DACT2: variants seen among roughly 807,000 people sequenced by gnomAD.
The protein encoded by DACT2 is dishevelled binding antagonist of beta catenin 2.
DACT2 carries 20 observed loss-of-function variants against 22.2 expected under a neutral mutation model. The observed-to-expected ratio is 0.90, with a 90% CI of 0.63 to 1.31. The LOEUF (loss-of-function observed/expected upper bound fraction) is 1.31, where lower values mean the gene tolerates loss of function less well. Ranked by LOEUF, DACT2 falls within the 50% of genes most tolerant of loss-of-function variation. The pLI is 0.00. For missense variants in DACT2, 1,048 were observed against 1,061.4 expected (o/e 0.99, Z 0.18); for synonymous variants, 463 against 479.8 (o/e 0.96, Z 0.46).
intron 1 of DACT2, among the ~76,000 whole-genome samples, chr6:168,313,729 C>T (rs1005753449): frequency 6.6e-6 from 1 of 152,292 alleles, no homozygotes; most frequent in South Asian, 2.1e-4. Context: ...TCTTCCAAAT[C>T]ACACTCTCCT....
At chr6:168,304,836 C>G (rs1009222613), downstream of DACT2, among the ~76,000 whole-genome samples, 1 of 152,312 alleles carries the variant, frequency 6.6e-6, no homozygotes, top group Non-Finnish European at 1.5e-5. Context: ...TGCCTGGTCC[C>G]GCAGAACACT....
chr6:168,318,283 A>C (rs535825568), intron 1 of DACT2, among the ~76,000 whole-genome samples: 1 of 152,368 alleles, frequency 6.6e-6, no homozygotes, highest in Non-Finnish European at 1.5e-5. Flanking sequence ...TTGGGGGCCC[A>C]GGTTAATCCC....
intron 1 of DACT2, among the ~76,000 whole-genome samples, chr6:168,315,250 C>T (rs1463963457): frequency 6.6e-6 from 1 of 152,190 alleles, no homozygotes; most frequent in African/African-American, 2.4e-5. Flanking sequence ...GCTGTGGAGA[C>T]AGCGCCCACT....
At position 168,294,577 on chromosome 6, in the gene DACT2, G is replaced by GTGTGTATATATATATATATATATA. The variant is rs1177617130; in HGVS notation, c.730+55_730+56insTATATATATATATATATATACACA. 501 of 124,172 alleles carry GTGTGTATATATATATATATATATA rather than the reference G, an allele frequency of 4.0e-3. 1 individual carries two copies. The highest frequency in any genetic ancestry group is 4.6e-3 in the African/African-American group (80 of 17,530). The allele number at this position is 124,172 out of a possible 1,614,324, so 7.7% of individuals were successfully genotyped here. A position where few individuals can be genotyped will look rare whatever the true frequency, so the allele number is the denominator to read the frequency against. On this transcript the variant is annotated intron_variant, in intron 4 of 5. Coordinates refer to the DACT2 transcript ENST00000366796. The stretch of plus-strand genomic sequence containing the variant: ...TGTGTGTGTATGTGTGTGTGTGTGT[G>GTGTGTATATATATATATATATATA]TATATATATATATATATATATATAT...
At position 168,307,439 on chromosome 6, in the gene DACT2, A is replaced by T; in HGVS notation, c.2318T>A (p.Met773Lys). The change falls in exon 4 of 4, where the codon ATG becomes AAG. Residue 773 changes from methionine (M) to lysine (K), a missense_variant. Met to Lys is a moderately conservative substitution (Grantham distance 95). Transcript: ENST00000366795. The surrounding 1 kb of genome is among the most constrained non-coding windows in gnomAD (Gnocchi z 5.3). Reference sequence around the variant, plus strand: ...TGACGCAGTCACTGCACCTCACACCATGGTCATGACCTTCAGGGCCGTCGG... The same window carrying T: ...TGACGCAGTCACTGCACCTCACACCTTGGTCATGACCTTCAGGGCCGTCGG... ...FQPTALKVMTMV is the reference protein window; with the variant it reads ...FQPTALKVMTKV 4 of 1,551,566 alleles carry T rather than the reference A, an allele frequency of 2.6e-6. No homozygotes were observed. Among genetic ancestry groups the T allele is most frequent in the Non-Finnish European group, 3.5e-6 (4 of 1,146,954 alleles).
intron 1 of DACT2, 61 bp downstream of exon 1, chr6:168,319,326 GA>G: frequency 8.5e-7 from 1 of 1,172,740 alleles, no homozygotes; most frequent in Non-Finnish European, 1.1e-6. Flanking sequence ...AGTCGCTGCC[GA>G]AGGAGCAGCG....
At position 168,308,954 on chromosome 6, in the gene DACT2, C is replaced by T. The variant is rs117046907; in HGVS notation, c.803G>A (p.Gly268Asp). The T allele has an allele frequency of 8.1e-4, 1,250 of 1,549,658 alleles. 14 individuals are homozygous for T. In the East Asian group the frequency reaches 0.026, roughly 33 times the overall value. The change falls in exon 4 of 4, where the codon GGC (glycine) becomes GAC (aspartate). Residue 268 changes from glycine (G) to aspartate (D), a missense_variant. By Grantham distance (94) the Gly-to-Asp change is moderately conservative. Transcript: ENST00000366795. ...GGGGTACGGGTACACCTCCCTGCCG[C>T]CCTGGGACACCAGGTCCTGCCGATA... ...PKYRQDLVSQ[G>D]GREVYPYPSP...
intron 4 of DACT2, chr6:168,294,531 T>G: frequency 1.3e-6 from 1 of 760,328 alleles, no homozygotes; most frequent in Non-Finnish European, 1.9e-6. Context: ...CCCTAGAACT[T>G]AAAGTATAAT....
Position 168,307,633 on chromosome 6 carries a change from G to A in DACT2, c.2124C>T (p.Ala708=). 1 of 1,547,444 alleles carries A rather than the reference G, an allele frequency of 6.5e-7. No individual in the cohort carries two copies. Among genetic ancestry groups the A allele is most frequent in the Non-Finnish European group, 8.7e-7 (1 of 1,144,318 alleles). The change falls in exon 4 of 4, where the codon GCC becomes GCT. Residue 708 remains alanine (A), a synonymous_variant. Transcript: ENST00000366795. The surrounding 1 kb of genome is among the most constrained non-coding windows in gnomAD (Gnocchi z 5.3). ...ESSSSDEEGG[A]QSRDCDLALG... is the part of the protein sequence containing the mutation. ...GTGCCAGGTCACAGTCCCTGCTCTG[G>A]GCGCCGCCCTCCTCGTCGCTGCTGC...
rs199901357 is a variant in DACT2, at chr6:168,307,689, T to A, written c.2068A>T (p.Thr690Ser). Residue 690 changes from threonine to serine, a missense_variant, in exon 4 of 4, where the codon ACC (threonine) becomes TCC (serine). Physicochemically the swap from Thr to Ser is moderately conservative, Grantham distance 58. Transcript: ENST00000366795. This position sits in a 1 kb window ranked among gnomAD's most constrained non-coding sequence, Gnocchi z 5.3. ...TCACGGTCTCCGAATCGGTTGGTGG[T>A]GTGGTCACTGGACTCTCCCTCGCTG... ...ETSEGESSDH[T>S]TNRFGDRESS... is the part of the protein sequence containing the mutation. 1.7e-3 allele frequency: 2,683 copies of A among 1,550,302 alleles called. 4 individuals are homozygous for A. Among genetic ancestry groups the A allele is most frequent in the Non-Finnish European group, 2.1e-3 (2,377 of 1,146,648 alleles).
At chr6:168,313,810 C>T (rs750147809) in intron 1 of DACT2, among the ~76,000 whole-genome samples, 12 of 152,314 alleles carry the variant, frequency 7.9e-5, no homozygotes, top group South Asian at 4.1e-4. Context: ...TTCCCGCCCC[C>T]GTGTCTGTGC....
At chr6:168,306,798 A>G (rs1779218133), downstream of DACT2, 2 of 818,818 alleles carry the variant, frequency 2.4e-6, no homozygotes, top group South Asian at 1.1e-4. Flanking sequence ...CTACTCACTT[A>G]TAAGATGCCT....
In DACT2 at chr6:168,307,504, C is replaced by A. The variant is rs1200516602; in HGVS notation, c.2253G>T (p.Lys751Asn). The change falls in exon 4 of 4, where the codon AAG (lysine) becomes AAT (asparagine). Residue 751 changes from lysine (K) to asparagine (N), a missense_variant. Transcript: ENST00000366795. This position sits in a 1 kb window ranked among gnomAD's most constrained non-coding sequence, Gnocchi z 5.3. ...TCTTCTTCTTCAGGGCCTTGGAGGC[C>A]TTAATACGGCACAGCTTGGGCACGG... is the stretch of plus-strand genomic sequence containing the variant. ...LSPVPKLCRIKASKALKKKIR... is the reference protein window; with the variant it reads ...LSPVPKLCRINASKALKKKIR... 6.4e-7 allele frequency: 1 copy of A among 1,551,642 alleles called. No individual in the cohort carries two copies. Among genetic ancestry groups the A allele is most frequent in the African/African-American group, 1.4e-5 (1 of 73,156 alleles).
In DACT2 at chr6:168,307,543, C is replaced by A; in HGVS notation, c.2214G>T (p.Gly738=). The A allele has an allele frequency of 6.4e-7, 1 of 1,551,404 alleles. No individual in the cohort carries two copies. The highest frequency in any genetic ancestry group is 8.7e-7 in the Non-Finnish European group (1 of 1,146,924). Residue 738 remains glycine, a synonymous_variant, in exon 4 of 4, where the codon GGG becomes GGT. Coordinates refer to ENST00000366795, the MANE Select transcript of DACT2 (RefSeq NM_214462.5). The surrounding 1 kb of genome is among the most constrained non-coding windows in gnomAD (Gnocchi z 5.3). ...AWTQEAPVSS[G]PLLSPVPKLC... ...GCTTGGGCACGGGGGACAGGAGTGG[C>A]CCCGAGCTGACCGGGGCCTCCTGGG...
intron 1 of DACT2, among the ~76,000 whole-genome samples, chr6:168,313,121 A>G (rs1779461614): frequency 6.6e-6 from 1 of 152,186 alleles, no homozygotes; most frequent in Admixed American, 6.5e-5. Flanking sequence ...AGTTCAGCTC[A>G]CTGCAAGCTC....
chr6:168,319,453 G>A lies in DACT2; in HGVS notation c.181C>T (p.Pro61Ser), dbSNP rs1240013178. ...TGCTCGGGGCCGTGGAGGCCGTGGG[G>A]GCCGCAGGGCGCGGCGGGCGCGGGC... ...PPPAPAAPCG[P>S]HGLHGPEQQL... The change falls in exon 1 of 4, where the codon CCC (proline) becomes TCC (serine). Residue 61 changes from proline to serine, a missense_variant. Physicochemically the swap from Pro to Ser is moderately conservative, Grantham distance 74. Transcript: ENST00000366795. 6 of 1,205,906 alleles carry A rather than the reference G, an allele frequency of 5.0e-6. No homozygotes were observed. Among genetic ancestry groups the A allele is most frequent in the Admixed American group, 4.4e-5 (1 of 22,558 alleles). 74.7% of individuals were successfully genotyped at this position (1,205,906 alleles called of 1,614,324 possible).
At chr6:168,313,260 G>C (rs1779465199) in intron 1 of DACT2, among the ~76,000 whole-genome samples, 1 of 152,028 alleles carries the variant, frequency 6.6e-6, no homozygotes, top group South Asian at 2.1e-4. Context: ...AGCCACGATG[G>C]TCTCGATCTC....
Position 168,308,893 on chromosome 6 carries a change from CAG to C in DACT2, c.862_863del (p.Leu288ValfsTer5). ...PLHAVALQSP[L>X]FVLTKETPQR... Reference sequence around the variant, plus strand: ...GTGGGGTTTCCTTAGTCAGGACAAACAGGGGGCTCTGTAGAGCCACGGCGTGC... The same window carrying C: ...GTGGGGTTTCCTTAGTCAGGACAAACGGGGCTCTGTAGAGCCACGGCGTGC... On this transcript the variant is annotated frameshift_variant, in exon 4 of 4. Coordinates refer to ENST00000366795, the MANE Select transcript of DACT2 (RefSeq NM_214462.5). LOFTEE classifies it low-confidence loss of function (END_TRUNC). 3.9e-6 allele frequency: 6 copies of C among 1,550,910 alleles called. No individual in the cohort carries two copies. Among genetic ancestry groups the C allele is most frequent in the South Asian group, 1.2e-5 (1 of 84,028 alleles).
In DACT2 at chr6:168,307,387, G is replaced by T; in HGVS notation, c.*45C>A. 6.5e-7 allele frequency: 1 copy of T among 1,547,258 alleles called. No individual in the cohort carries two copies. Among genetic ancestry groups the T allele is most frequent in the Non-Finnish European group, 8.7e-7 (1 of 1,145,230 alleles). On this transcript the variant is annotated 3_prime_UTR_variant, in exon 4 of 4. Coordinates refer to ENST00000366795, the MANE Select transcript of DACT2 (RefSeq NM_214462.5). The surrounding 1 kb of genome is among the most constrained non-coding windows in gnomAD (Gnocchi z 5.3). Reference sequence around the variant, plus strand: ...ACATGCACAGGACACTGCATGGAAAGGGCCCCTGTGTGCAGCAGGCTTCTC... The same window carrying T: ...ACATGCACAGGACACTGCATGGAAATGGCCCCTGTGTGCAGCAGGCTTCTC...
Sources: gnomAD v4.1 joint callset for allele counts (sites outside exome capture counted in the v4.1 genomes callset) on GRCh38, gnomAD v4.1.1 for gene constraint, Gnocchi (gnomAD v3.1) non-coding constraint, MANE v1.5 for transcripts, NCBI Gene and HGNC (gene_info 2026-07-23, HGNC 2026-07-21) for gene names.